Variants in PDE4D observed in about 807,000 individuals in gnomAD.
The protein encoded by PDE4D is phosphodiesterase 4D.
A neutral mutation model predicts 87.4 loss-of-function variants in PDE4D; 24 were observed. The ratio of observed to expected loss-of-function variants is 0.27; its 90% CI spans 0.20 to 0.39. The LOEUF (loss-of-function observed/expected upper bound fraction) is 0.39. Among genes scored for constraint, PDE4D ranks in the 10% least tolerant of loss-of-function variants. The probability of loss-of-function intolerance (pLI) is 1.00; values close to 1 mark genes in which losing one functional copy is unlikely to be tolerated. For synonymous variants in PDE4D, 384 were observed against 383.2 expected, an observed-to-expected ratio of 1.00 and a Z score of -0.02; for missense variants, 714 against 1,041.0, an observed-to-expected ratio of 0.69 and a Z score of 4.32.
chr5:60,122,123 G>A (rs1440487850), intron 2 of PDE4D, among the ~76,000 whole-genome samples: 1 of 152,200 alleles, frequency 6.6e-6, no homozygotes, highest in Non-Finnish European at 1.5e-5. Flanking sequence ...CACCTCTGCT[G>A]CTTTGGTTTT....
chr5:59,212,439 A>G (rs989206126), intron 2 of PDE4D, among the ~76,000 whole-genome samples: 1 of 152,124 alleles, frequency 6.6e-6, no homozygotes, highest in African/African-American at 2.4e-5. Flanking sequence ...ATTACTTTTC[A>G]GCAAAATATA....
At position 58,991,911 on chromosome 5, in the gene PDE4D, A is replaced by G; in HGVS notation, c.1109T>C (p.Leu370Ser). The G allele has an allele frequency of 6.2e-7, 1 of 1,606,690 alleles. No individual in the cohort carries two copies. Among genetic ancestry groups the G allele is most frequent in the Non-Finnish European group, 8.5e-7 (1 of 1,176,220 alleles). ...ATTAGTCAGACTAGAGCTGTGCATCAATTTCTTGACTCCACTGATCTGAGA... is the reference window on the plus strand; with the variant it reads ...ATTAGTCAGACTAGAGCTGTGCATCGATTTCTTGACTCCACTGATCTGAGA... ...PMSQISGVKK[L>S]MHSSSLTNSS... The change falls in exon 8 of 15, where the codon TTG becomes TCG. Residue 370 changes from leucine (L) to serine (S), a missense_variant. Transcript: ENST00000340635.
rs57209544 is a variant in PDE4D, at chr5:59,108,906, C to CAAAAA, written c.809-69940_809-69936dup. ...TGGGTGACAGAGTGAGATTCCTTCT[C>CAAAAA]AAAAAAAAAAAAGAAAGAAATTAAA... On this transcript the variant is annotated intron_variant, in intron 5 of 14. Transcript: ENST00000340635. 1.0e-4 allele frequency among the ~76,000 whole-genome samples: 9 copies of CAAAAA among 86,394 alleles called. 1 individual carries two copies. Among genetic ancestry groups the CAAAAA allele is most frequent in the African/African-American group, 2.3e-4 (5 of 21,610 alleles). 56.7% of individuals were successfully genotyped at this position (86,394 alleles called of 152,430 possible).
intron 1 of PDE4D, among the ~76,000 whole-genome samples, chr5:59,510,109 C>A (rs1278278047): frequency 2.0e-5 from 3 of 150,238 alleles, no homozygotes; most frequent in Non-Finnish European, 4.5e-5. Context: ...AAAACTCATT[C>A]CTTTGGAAAA....
intron 1 of PDE4D, among the ~76,000 whole-genome samples, chr5:59,844,060 C>T (rs931490116): frequency 6.6e-6 from 1 of 152,020 alleles, no homozygotes; most frequent in Non-Finnish European, 1.5e-5. Context: ...CTGACTGATC[C>T]CCTTGTTTGT....
At chr5:59,560,450 A>G (rs1819777177) in intron 1 of PDE4D, among the ~76,000 whole-genome samples, 2 of 152,208 alleles carry the variant, frequency 1.3e-5, no homozygotes, top group Non-Finnish European at 2.9e-5. Flanking sequence ...TTGAACTCCA[A>G]TTCAGGGTTA....
At chr5:59,761,091 A>C (rs1395445954) in intron 1 of PDE4D, among the ~76,000 whole-genome samples, 1 of 152,240 alleles carries the variant, frequency 6.6e-6, no homozygotes, top group Admixed American at 6.5e-5. Flanking sequence ...CCTGTACAGC[A>C]TGTTATTCTA....
chr5:59,514,976 T>A (rs971526543), intron 1 of PDE4D, among the ~76,000 whole-genome samples: 3 of 152,226 alleles, frequency 2.0e-5, no homozygotes, highest in Non-Finnish European at 4.4e-5. Flanking sequence ...CAGCAATAAA[T>A]ACATATTTTT....
At position 59,516,018 on chromosome 5, in the gene PDE4D, T is replaced by C. The variant is rs769459845; in HGVS notation, c.456-300050A>G. 8.6e-4 allele frequency among the ~76,000 whole-genome samples: 131 copies of C among 152,270 alleles called. 1 individual carries two copies. Among genetic ancestry groups the C allele is most frequent in the Middle Eastern group, 3.4e-3 (1 of 294 alleles). ...AGAACTTTACGGTGAAATAAAAAAC[T>C]TGAAAAATTTTTAGAAGGGAAACAT... On this transcript the variant is annotated intron_variant, in intron 1 of 14. Transcript: ENST00000340635.
intron 1 of PDE4D, among the ~76,000 whole-genome samples, chr5:60,231,408 G>A (rs1183974272): frequency 6.6e-6 from 1 of 151,948 alleles, no homozygotes; most frequent in Non-Finnish European, 1.5e-5. Context: ...TGACAGGGTT[G>A]TAGGAGTAAA....
At chr5:59,263,292 C>T (rs920254288) in intron 1 of PDE4D, among the ~76,000 whole-genome samples, 20 of 152,058 alleles carry the variant, frequency 1.3e-4, no homozygotes, top group African/African-American at 4.8e-4. Flanking sequence ...CAAACCCAGT[C>T]TACTCCAAAA....
chr5:60,463,268 C>G (rs7723861), intron 1 of PDE4D, among the ~76,000 whole-genome samples: 20,813 of 152,076 alleles, frequency 0.14, 2,785 homozygotes, highest in African/African-American at 0.34. Flanking sequence ...AAGTCTATGG[C>G]CACATCCTTG....
chr5:59,546,204 A>G (rs1419696500), intron 1 of PDE4D, among the ~76,000 whole-genome samples: 1 of 152,144 alleles, frequency 6.6e-6, no homozygotes, highest in Non-Finnish European at 1.5e-5. Context: ...AATCTCTTTT[A>G]AAATCTGAAA....
intron 2 of PDE4D, among the ~76,000 whole-genome samples, chr5:60,143,564 C>A (rs975074125): frequency 2.7e-5 from 4 of 149,346 alleles, no homozygotes; most frequent in Non-Finnish European, 4.4e-5. Context: ...GAGTCCTAAC[C>A]TGAGTTCTGG....
chr5:60,079,783 G>A (rs532466957), intron 2 of PDE4D, among the ~76,000 whole-genome samples: 1 of 152,342 alleles, frequency 6.6e-6, no homozygotes, highest in South Asian at 2.1e-4. Context: ...CTGTAGCCTT[G>A]CAGTATAGTT....
chr5:59,324,598 T>C (rs1316173938), intron 1 of PDE4D, among the ~76,000 whole-genome samples: 1 of 152,166 alleles, frequency 6.6e-6, no homozygotes, highest in African/African-American at 2.4e-5. Context: ...TGGCCATAGT[T>C]ATCTGCATGT....
intron 2 of PDE4D, among the ~76,000 whole-genome samples, chr5:60,076,525 G>A (rs1773312587): frequency 6.6e-6 from 1 of 152,126 alleles, no homozygotes; most frequent in Non-Finnish European, 1.5e-5. Flanking sequence ...ATGACCTTGG[G>A]TGTTTCATGG....
chr5:59,771,111 GA>G (rs2152602174), intron 1 of PDE4D, among the ~76,000 whole-genome samples: 1 of 151,026 alleles, frequency 6.6e-6, no homozygotes, highest in African/African-American at 2.4e-5. Flanking sequence ...CAGACTGCAT[GA>G]CAGAGCGAGA....
At chr5:60,312,557 G>A (rs1425969103) in intron 1 of PDE4D, among the ~76,000 whole-genome samples, 2 of 152,182 alleles carry the variant, frequency 1.3e-5, no homozygotes, top group African/African-American at 4.8e-5. Flanking sequence ...CGGCAGGATG[G>A]AGTGAGTGCA....
Sources: allele counts gnomAD v4.1 joint callset (sites outside exome capture counted in the v4.1 genomes callset), GRCh38; gene constraint gnomAD v4.1.1; transcripts MANE v1.5; gene names NCBI Gene and HGNC (gene_info 2026-07-23, HGNC 2026-07-21).